Variants in PFKP observed in about 807,000 individuals in gnomAD.
PFKP encodes phosphofructokinase, platelet.
A neutral mutation model predicts 94.3 loss-of-function variants in PFKP; 101 were observed. That is an observed-to-expected ratio of 1.07 (90% CI 0.91 to 1.26). PFKP has a LOEUF of 1.26. PFKP is among the 50% of genes most tolerant of loss of function. PFKP has a pLI of 0.00. For missense variants in PFKP, 1,145 were observed against 1,103.3 expected (o/e 1.04, Z -0.53); for synonymous variants, 573 against 432.6 (o/e 1.32, Z -4.03).
Position 3,133,328 on chromosome 10 carries a change from TGCATGAGGG to T in PFKP, c.2022+17_2022+25del. 1 of 1,521,882 alleles carries T rather than the reference TGCATGAGGG, an allele frequency of 6.6e-7. No homozygotes were observed. The highest frequency in any genetic ancestry group is 9.1e-7 in the Non-Finnish European group (1 of 1,095,616). 94.3% of individuals were successfully genotyped at this position (1,521,882 alleles called of 1,614,324 possible). A position where few individuals can be genotyped will look rare whatever the true frequency, so the allele number is the denominator to read the frequency against. ...CACATGCAGCAGGTAGGCCCGAGAC[TGCATGAGGG>T]GCCACAAAGCCCCTGTCATGTGACT... On this transcript the variant is annotated intron_variant, in intron 19 of 21. Transcript: ENST00000381125.
chr10:3,123,641 G>T (rs746755736), intron 16 of PFKP, among the ~76,000 whole-genome samples: 1 of 152,218 alleles, frequency 6.6e-6, no homozygotes, highest in Non-Finnish European at 1.5e-5. Context: ...GTCTTGGTCA[G>T]TCCTGAGCTC....
intron 3 of PFKP, 62 bp from the exon 4 acceptor site, chr10:3,101,303 G>A: frequency 7.3e-7 from 1 of 1,373,528 alleles, no homozygotes; most frequent in Non-Finnish European, 1.0e-6. Flanking sequence ...CGGCCTGTGT[G>A]TGCCATCCAC....
chr10:3,134,892 T>G (rs535742916), intron 20 of PFKP, among the ~76,000 whole-genome samples: 12 of 152,326 alleles, frequency 7.9e-5, no homozygotes, highest in African/African-American at 2.9e-4. Context: ...ACAGTTTAAG[T>G]GGGGCCTTCT....
At chr10:3,091,379 A>G (rs1486628183) in intron 2 of PFKP, among the ~76,000 whole-genome samples, 1 of 152,114 alleles carries the variant, frequency 6.6e-6, no homozygotes, top group African/African-American at 2.4e-5. Flanking sequence ...CAGTTGGTTA[A>G]TCCAGGGCTG....
At chr10:3,112,721 C>T (rs1207829926) in intron 11 of PFKP, among the ~76,000 whole-genome samples, 2 of 152,224 alleles carry the variant, frequency 1.3e-5, no homozygotes, top group African/African-American at 4.8e-5. Flanking sequence ...GTGCATGTCA[C>T]CACATCCAGC....
intron 4 of PFKP, among the ~76,000 whole-genome samples, chr10:3,102,446 C>T (rs1835113937): frequency 6.6e-6 from 1 of 151,782 alleles, no homozygotes; most frequent in Non-Finnish European, 1.5e-5. Flanking sequence ...CAGAGTCTTT[C>T]TCCATTGCCC....
chr10:3,124,001 A>ACCCACCCGC (rs1837680588), intron 16 of PFKP, among the ~76,000 whole-genome samples: 1 of 141,290 alleles, frequency 7.1e-6, no homozygotes, highest in Non-Finnish European at 1.6e-5. Context: ...CCCAGCACTG[A>ACCCACCCGC]CCCACCCGCC....
chr10:3,069,394 G>C, intron 1 of PFKP: 1 of 1,585,358 alleles, frequency 6.3e-7, no homozygotes, highest in South Asian at 1.2e-5. Flanking sequence ...GTGCGGGTAC[G>C]AATGGAGCCG....
chr10:3,068,142 G>T (rs1249511911), intron 1 of PFKP, among the ~76,000 whole-genome samples: 1 of 152,198 alleles, frequency 6.6e-6, no homozygotes, highest in Non-Finnish European at 1.5e-5. Context: ...CCTCCGAAGC[G>T]TGGGTACAGC....
chr10:3,115,881 C>T (rs1049087495), intron 13 of PFKP, among the ~76,000 whole-genome samples: 5 of 152,026 alleles, frequency 3.3e-5, no homozygotes, highest in African/African-American at 1.2e-4. Context: ...CTGTGGCATC[C>T]CTGGGAACAC....
At chr10:3,119,014 GC>G in intron 15 of PFKP, 145 bp downstream of exon 15, 1 of 608,476 alleles carries the variant, frequency 1.6e-6, no homozygotes, top group Non-Finnish European at 2.9e-6. Context: ...TTGTAGAACA[GC>G]AGGATAGCAG....
At position 3,130,682 on chromosome 10, in the gene PFKP, C is replaced by G. The variant is rs142213789; in HGVS notation, c.1848+699C>G. 4.6e-3 allele frequency among the ~76,000 whole-genome samples: 704 copies of G among 152,312 alleles called. 3 individuals carry two copies. Among genetic ancestry groups the G allele is most frequent in the African/African-American group, 0.016 (674 of 41,550 alleles). ...TCAAGCGATTCACCTGCCTTAGCCT[C>G]CCAAGTAGCTGGGATTACAGGCACG... On this transcript the variant is annotated intron_variant, in intron 17 of 21. Transcript: ENST00000381125.
chr10:3,069,500 A>G (rs1187399854), intron 1 of PFKP: 2 of 942,998 alleles, frequency 2.1e-6, no homozygotes, highest in East Asian at 2.9e-5. Context: ...GCCGCGAAAG[A>G]CAAGAAACCT....
intron 20 of PFKP, 67 bp downstream of exon 20, chr10:3,134,649 G>A (rs1839016057): frequency 5.0e-6 from 5 of 1,004,880 alleles, no homozygotes; most frequent in Non-Finnish European, 7.9e-6. Context: ...TGAAAATGCT[G>A]TCCTATCGGG....
At chr10:3,120,365 A>G (rs1036164896) in intron 16 of PFKP, among the ~76,000 whole-genome samples, 1 of 56,606 alleles carries the variant, frequency 1.8e-5, no homozygotes, top group Non-Finnish European at 3.6e-5. Flanking sequence ...AGCATTAAAA[A>G]TCGCTGTGTG....
In PFKP at chr10:3,115,405, T is replaced by C. The variant is rs572178286; in HGVS notation, c.1372-1371T>C. Among the ~76,000 whole-genome samples, 3 of 73,998 alleles carry C rather than the reference T, an allele frequency of 4.1e-5. 1 individual carries two copies. Among genetic ancestry groups the C allele is most frequent in the Non-Finnish European group, 1.0e-4 (3 of 29,862 alleles). 48.5% of individuals were successfully genotyped at this position (73,998 alleles called of 152,430 possible). ...GAGAACAGGACTGGGGATGCCGGGG[T>C]GAAGGTGTGTGTCCCGCCATGGAGG... On this transcript the variant is annotated intron_variant, in intron 13 of 21. Transcript: ENST00000381125.
intron 3 of PFKP, chr10:3,100,998 G>C (rs1834945896): frequency 1.2e-6 from 2 of 1,611,594 alleles, no homozygotes; most frequent in African/African-American, 1.3e-5. Context: ...GCATGCTCTG[G>C]TGGTCAGTGG....
intron 16 of PFKP, among the ~76,000 whole-genome samples, chr10:3,124,631 C>A (rs545885356): frequency 1.6e-4 from 25 of 152,232 alleles, no homozygotes; most frequent in Admixed American, 1.6e-3. Flanking sequence ...CGCCTCTGCA[C>A]GATGAAGGCG....
chr10:3,130,998 CATG>C (rs916267771), intron 17 of PFKP, among the ~76,000 whole-genome samples: 88 of 152,208 alleles, frequency 5.8e-4, no homozygotes, highest in Middle Eastern at 3.4e-3. Context: ...TTCACTGCAT[CATG>C]ATGTTTCTGT....
Sources: allele counts gnomAD v4.1 joint callset (sites outside exome capture counted in the v4.1 genomes callset), GRCh38; gene constraint gnomAD v4.1.1; transcripts MANE v1.5; gene names NCBI Gene and HGNC (gene_info 2026-07-23, HGNC 2026-07-21).